PEX5L: variants seen among roughly 807,000 people sequenced by gnomAD.
PEX5L encodes PEX5-related protein.
In PEX5L, 30 loss-of-function variants were observed where a neutral mutation model predicts 84.0. The ratio of observed to expected loss-of-function variants is 0.36; its 90% CI spans 0.27 to 0.48. PEX5L has a LOEUF of 0.48. PEX5L is among the 20% of genes least tolerant of loss of function. The pLI is 0.99. For missense variants in PEX5L, 533 were observed against 754.6 expected (o/e 0.71, Z 3.44); for synonymous variants, 270 against 283.1 (o/e 0.95, Z 0.46).
At chr3:179,998,195 T>G (rs1185757505) in intron 1 of PEX5L, among the ~76,000 whole-genome samples, 1 of 152,220 alleles carries the variant, frequency 6.6e-6, no homozygotes, top group Non-Finnish European at 1.5e-5. Context: ...GATAAATTGC[T>G]GCATTTGGCC....
At chr3:179,879,841 C>G in intron 5 of PEX5L, 88 bp downstream of exon 5, 1 of 900,092 alleles carries the variant, frequency 1.1e-6, no homozygotes, top group South Asian at 2.1e-5. Context: ...CCTTTGTTCT[C>G]TGTTTAATGC....
chr3:179,920,015 ATAG>A (rs1159571528), intron 2 of PEX5L, among the ~76,000 whole-genome samples: 2 of 152,180 alleles, frequency 1.3e-5, no homozygotes, highest in Non-Finnish European at 2.9e-5. Flanking sequence ...CTTTTTAAAG[ATAG>A]TAGTTAAGTT....
intron 2 of PEX5L, among the ~76,000 whole-genome samples, chr3:179,907,475 G>A (rs1763664627): frequency 2.0e-5 from 3 of 151,856 alleles, no homozygotes; most frequent in African/African-American, 7.3e-5. Context: ...ACCGTGTTTG[G>A]CTAATTTTTA....
chr3:179,880,346 C>T (rs565796945), intron 4 of PEX5L, among the ~76,000 whole-genome samples: 1 of 152,258 alleles, frequency 6.6e-6, no homozygotes, highest in South Asian at 2.1e-4. Context: ...AGGACTTAGA[C>T]CAGCCTCAGC....
At chr3:179,970,229 T>C (rs1385904675) in intron 2 of PEX5L, among the ~76,000 whole-genome samples, 1 of 152,168 alleles carries the variant, frequency 6.6e-6, no homozygotes, top group Non-Finnish European at 1.5e-5. Flanking sequence ...CACATATCTG[T>C]ATTCTCATAA....
intron 3 of PEX5L, 117 bp from the exon 4 acceptor site, chr3:179,887,901 C>T: frequency 1.4e-6 from 1 of 731,856 alleles, no homozygotes; most frequent in Non-Finnish European, 2.3e-6. Flanking sequence ...TAAATAAATA[C>T]ATAAATAAAT....
chr3:179,857,004 C>A (rs1744262052), intron 8 of PEX5L, among the ~76,000 whole-genome samples: 1 of 152,150 alleles, frequency 6.6e-6, no homozygotes, highest in Non-Finnish European at 1.5e-5. Flanking sequence ...TGGATCATTT[C>A]TTTATCTTTA....
chr3:180,036,509 A>G, intron 1 of PEX5L, 70 bp downstream of exon 1: 1 of 1,445,538 alleles, frequency 6.9e-7, no homozygotes, highest in Non-Finnish European at 9.7e-7. Context: ...TGACCACAGA[A>G]ACTTGGTGAA....
At chr3:179,845,619 A>G (rs1739015712) in intron 8 of PEX5L, among the ~76,000 whole-genome samples, 1 of 152,238 alleles carries the variant, frequency 6.6e-6, no homozygotes, top group Non-Finnish European at 1.5e-5. Flanking sequence ...ACTGTTTACT[A>G]TCTGAATTCA....
At chr3:179,841,158 G>A (rs1311123132) in intron 8 of PEX5L, among the ~76,000 whole-genome samples, 1 of 152,144 alleles carries the variant, frequency 6.6e-6, no homozygotes, top group East Asian at 1.9e-4. Context: ...TTCCATACCA[G>A]TCTGCTGACG....
intron 8 of PEX5L, among the ~76,000 whole-genome samples, chr3:179,840,265 C>G (rs1002435668): frequency 2.1e-5 from 3 of 146,238 alleles, no homozygotes; most frequent in Non-Finnish European, 4.5e-5. Context: ...CTTGGTGCAC[C>G]GCAATCTCCG....
rs1717350604 is a variant in PEX5L at position 179,797,340 on chromosome 3, T to TAAC, written c.*4485_*4487dup. On this transcript the variant is annotated 3_prime_UTR_variant, in exon 15 of 15. Transcript: ENST00000467460. ...ATAAGAAAAGCAAATAGAAAAACTG[T>TAAC]AACACAAAGTTCATAAAAATGCTCC... is the stretch of plus-strand genomic sequence containing the variant. 1 of 152,080 alleles carries TAAC rather than the reference T, an allele frequency of 6.6e-6. No individual in the cohort carries two copies. 9.4% of individuals were successfully genotyped at this position (152,080 alleles called of 1,614,324 possible). A position where few individuals can be genotyped will look rare whatever the true frequency, so the allele number is the denominator to read the frequency against.
intron 2 of PEX5L, among the ~76,000 whole-genome samples, chr3:179,899,669 A>G (rs1042800930): frequency 2.6e-5 from 4 of 152,206 alleles, no homozygotes; most frequent in Non-Finnish European, 5.9e-5. Context: ...TTATGAGAAC[A>G]AAGAAAAACT....
intron 1 of PEX5L, among the ~76,000 whole-genome samples, chr3:179,995,508 C>A (rs1179299061): frequency 2.0e-5 from 3 of 152,036 alleles, no homozygotes; most frequent in Admixed American, 2.0e-4. Context: ...TTTGACACTC[C>A]TGATTCACTG....
At chr3:180,000,460 C>A (rs1185632272) in intron 1 of PEX5L, among the ~76,000 whole-genome samples, 1 of 152,082 alleles carries the variant, frequency 6.6e-6, no homozygotes, top group Non-Finnish European at 1.5e-5. Flanking sequence ...ATGGCCCAGA[C>A]CCTTTAGGAA....
chr3:180,006,163 CCT>C (rs1467570878), intron 1 of PEX5L, among the ~76,000 whole-genome samples: 1 of 152,076 alleles, frequency 6.6e-6, no homozygotes, highest in African/African-American at 2.4e-5. Flanking sequence ...ATTAACAAAA[CCT>C]CTCTGTATTA....
Position 179,809,668 on chromosome 3 carries a change from C to T in PEX5L, c.1155G>A (p.Arg385=). The change falls in exon 12 of 15, where the codon AGG becomes AGA. Residue 385 remains arginine (R), a splice_region_variant and synonymous_variant. Transcript: ENST00000467460. The part of the protein sequence containing the change: ...NEQAAIVALQ[R]CLELQPNNLK... ...AGTTGTTGGGCTGTAATTCTAAGCACCTGAAAAAAAAAAAGAAGCCAATTT... is the reference window on the plus strand; with the variant it reads ...AGTTGTTGGGCTGTAATTCTAAGCATCTGAAAAAAAAAAAGAAGCCAATTT... 6.8e-7 allele frequency: 1 copy of T among 1,462,012 alleles called. No homozygotes were observed. The highest frequency in any genetic ancestry group is 2.5e-5 in the African/African-American group (1 of 39,838). The allele number at this position is 1,462,012 out of a possible 1,614,324, so 90.6% of individuals were successfully genotyped here.
chr3:179,912,377 T>C (rs1188574365), intron 2 of PEX5L, among the ~76,000 whole-genome samples: 3 of 152,104 alleles, frequency 2.0e-5, no homozygotes, highest in African/African-American at 7.2e-5. Context: ...TTATGGCCTT[T>C]TGGGTCCAAA....
intron 2 of PEX5L, among the ~76,000 whole-genome samples, chr3:179,938,592 A>G (rs1225017242): frequency 2.0e-5 from 3 of 152,228 alleles, no homozygotes; most frequent in African/African-American, 7.2e-5. Context: ...TCCACACAAA[A>G]TAAGAGTTTA....
Sources: allele counts gnomAD v4.1 joint callset (sites outside exome capture counted in the v4.1 genomes callset), GRCh38; gene constraint gnomAD v4.1.1; transcripts MANE v1.5; gene names NCBI Gene and HGNC (gene_info 2026-07-23, HGNC 2026-07-21).